The following C13orf42 variants were observed in gnomAD, a reference collection of about 807,000 sequenced individuals.
The protein encoded by C13orf42 is uncharacterized protein C13orf42.
chr13:51,136,710 C>G (rs1462280754), intron 1 of C13orf42, among the ~76,000 whole-genome samples: 14 of 152,126 alleles, frequency 9.2e-5, no homozygotes, highest in Admixed American at 9.2e-4. Context: ...CTTCCCCAGC[C>G]CTGAAGAAGG....
chr13:51,159,958 G>C (rs542821335), intron 1 of C13orf42, among the ~76,000 whole-genome samples: 20 of 152,308 alleles, frequency 1.3e-4, no homozygotes, highest in African/African-American at 4.6e-4. Flanking sequence ...CAGCAAGAGA[G>C]AATGAGAGAA....
intron 1 of C13orf42, among the ~76,000 whole-genome samples, chr13:51,106,045 G>T (rs914899930): frequency 1.3e-5 from 2 of 152,152 alleles, no homozygotes; most frequent in Admixed American, 1.3e-4. Flanking sequence ...TGTTTCCTCA[G>T]TTCTTTTCCT....
chr13:51,133,513 T>A (rs1593546495), intron 1 of C13orf42, among the ~76,000 whole-genome samples: 1 of 152,080 alleles, frequency 6.6e-6, no homozygotes, highest in African/African-American at 2.4e-5. Flanking sequence ...CTATAAAAAA[T>A]TTTCTCTACT....
rs922362131 is a variant in C13orf42 at position 51,082,176 on chromosome 13, G to C, written c.*1975C>G. 2.0e-5 allele frequency: 3 copies of C among 152,170 alleles called. No homozygotes were observed. The highest frequency in any genetic ancestry group is 7.2e-5 in the African/African-American group (3 of 41,428). 9.4% of individuals were successfully genotyped at this position (152,170 alleles called of 1,614,324 possible). The stretch of plus-strand genomic sequence containing the variant: ...ATTTCATTTATCTCAAACCCCACCA[G>C]ACACCATCTCAAGATTCCCCAGGCA... On this transcript the variant is annotated 3_prime_UTR_variant, in exon 4 of 4. Transcript: ENST00000563710.
chr13:51,129,185 A>T (rs1953597026), intron 1 of C13orf42, among the ~76,000 whole-genome samples: 1 of 152,216 alleles, frequency 6.6e-6, no homozygotes, highest in Admixed American at 6.5e-5. Flanking sequence ...CGCAGTGACA[A>T]ACCTCTCTTG....
chr13:51,162,606 T>C (rs114475676), intron 1 of C13orf42, among the ~76,000 whole-genome samples: 4,849 of 152,290 alleles, frequency 0.032, 265 homozygotes, highest in African/African-American at 0.11. Flanking sequence ...GACATCATCT[T>C]TGAAAAGTTA....
chr13:51,087,860 C>T (rs981804464), intron 2 of C13orf42, 68 bp downstream of exon 2: 1 of 398,160 alleles, frequency 2.5e-6, no homozygotes, highest in African/African-American at 2.1e-5. Context: ...GCCCCCAGCC[C>T]ATCCTCACAG....
chr13:51,145,436 A>G lies in C13orf42; in HGVS notation n.136+26817T>C, dbSNP rs551393834. Among the ~76,000 whole-genome samples the G allele has an allele frequency of 7.2e-5, 11 of 152,268 alleles. 1 individual carries two copies. Among genetic ancestry groups the G allele is most frequent in the African/African-American group, 2.2e-4 (9 of 41,538 alleles). On this transcript the variant is annotated intron_variant and non_coding_transcript_variant, in intron 1 of 4. Coordinates refer to the C13orf42 transcript ENST00000433280. ...AACCTGCTAAAAATGAGATTTCCAG[A>G]CCTACCCATCTAGAAATAAACCATC...
chr13:51,141,094 AGGTGTGTGTGTGTG>A (rs1953692075), intron 1 of C13orf42, among the ~76,000 whole-genome samples: 1 of 64,052 alleles, frequency 1.6e-5, no homozygotes, highest in African/African-American at 6.0e-5. Context: ...CATCGAAGGG[AGGTGTGTGTGTGTG>A]TGTGTGTGTG....
chr13:51,106,498 T>C (rs746551023), intron 1 of C13orf42, among the ~76,000 whole-genome samples: 6 of 152,208 alleles, frequency 3.9e-5, no homozygotes, highest in Admixed American at 1.3e-4. Flanking sequence ...ACGATACAGA[T>C]TGGGATCAAA....
chr13:51,106,706 G>A (rs1050738165), intron 1 of C13orf42, among the ~76,000 whole-genome samples: 3 of 152,138 alleles, frequency 2.0e-5, no homozygotes, highest in Non-Finnish European at 2.9e-5. Flanking sequence ...CCTCCTGACT[G>A]GCAAGAAACA....
intron 1 of C13orf42, among the ~76,000 whole-genome samples, chr13:51,109,303 A>G (rs913054877): frequency 1.3e-5 from 2 of 152,374 alleles, no homozygotes; most frequent in Admixed American, 1.3e-4. Context: ...CAGTCATTCA[A>G]CATTAATGGA....
At chr13:51,132,181 G>A (rs963584310) in intron 1 of C13orf42, among the ~76,000 whole-genome samples, 2 of 152,228 alleles carry the variant, frequency 1.3e-5, no homozygotes, top group Non-Finnish European at 1.5e-5. Flanking sequence ...GGTGGCTCAC[G>A]CCTGTAATCC....
chr13:51,149,786 A>G (rs145669718), intron 1 of C13orf42, among the ~76,000 whole-genome samples: 111 of 152,324 alleles, frequency 7.3e-4, no homozygotes, highest in African/African-American at 2.5e-3. Context: ...ATCATCAATA[A>G]TAAGCACCTC....
At chr13:51,127,457 G>T (rs2138018798) in intron 1 of C13orf42, among the ~76,000 whole-genome samples, 1 of 152,290 alleles carries the variant, frequency 6.6e-6, no homozygotes, top group African/African-American at 2.4e-5. Context: ...GGCAGCTCAG[G>T]GTCCCTTTTT....
chr13:51,110,396 C>T (rs1953414078), intron 1 of C13orf42, among the ~76,000 whole-genome samples: 1 of 152,140 alleles, frequency 6.6e-6, no homozygotes, highest in Non-Finnish European at 1.5e-5. Flanking sequence ...CACCGAGCTG[C>T]TCTGTGGACA....
At chr13:51,144,664 A>G (rs1371302627) in intron 1 of C13orf42, among the ~76,000 whole-genome samples, 2 of 152,190 alleles carry the variant, frequency 1.3e-5, no homozygotes, top group Non-Finnish European at 2.9e-5. Context: ...CACAGTCCCT[A>G]TACAGGGTTT....
Position 51,143,456 on chromosome 13 carries a change from T to TAAAGGTTAC in C13orf42, n.136+28796_136+28797insGTAACCTTT, listed in dbSNP as rs796723708. Among the ~76,000 whole-genome samples the TAAAGGTTAC allele has an allele frequency of 1.9e-4, 29 of 152,198 alleles. No homozygotes were observed. The South Asian group carries it at 6.0e-3, about 32-fold the overall frequency. On this transcript the variant is annotated intron_variant and non_coding_transcript_variant, in intron 1 of 4. Coordinates refer to the C13orf42 transcript ENST00000433280. ...CTTAAAGCATTAACCAACTCCTTAA[T>TAAAGGTTAC]AAAGGTTATAAAAGACTTATGGAAG...
rs138598427 is a variant in C13orf42, at chr13:51,153,990, C to T, written n.136+18263G>A. Reference sequence around the variant, plus strand: ...AAACTAAAATGTGATACCCATTACTCCCCATTTTCCCCTACCCCCAGCCCC... The same window carrying T: ...AAACTAAAATGTGATACCCATTACTTCCCATTTTCCCCTACCCCCAGCCCC... On this transcript the variant is annotated intron_variant and non_coding_transcript_variant, in intron 1 of 4. Transcript: ENST00000433280. Among the ~76,000 whole-genome samples the T allele has an allele frequency of 4.6e-5, 7 of 152,144 alleles. No individual in the cohort carries two copies. The East Asian group carries it at 1.2e-3, about 25-fold the overall frequency.
Sources: allele counts gnomAD v4.1 joint callset (sites outside exome capture counted in the v4.1 genomes callset), GRCh38; gene constraint gnomAD v4.1.1; transcripts MANE v1.5; gene names NCBI Gene and HGNC (gene_info 2026-07-23, HGNC 2026-07-21).